Variants in PDE7A observed in about 807,000 individuals in gnomAD.
PDE7A encodes the protein high affinity 3',5'-cyclic-AMP phosphodiesterase 7A.
PDE7A carries 39 observed loss-of-function variants against 64.3 expected under a neutral mutation model. The observed-to-expected ratio is 0.61, with a 90% CI of 0.47 to 0.79. The LOEUF is 0.79. PDE7A is among the 30% of genes least tolerant of loss of function. The probability of loss-of-function intolerance (pLI) is 0.00; values close to 1 mark genes in which losing one functional copy is unlikely to be tolerated. For synonymous variants in PDE7A, 203 were observed against 206.8 expected, an observed-to-expected ratio of 0.98 and a Z score of 0.16; for missense variants, 470 against 582.8, an observed-to-expected ratio of 0.81 and a Z score of 1.99.
chr8:65,740,193 A>G (rs1038760196), intron 5 of PDE7A, among the ~76,000 whole-genome samples: 1 of 152,080 alleles, frequency 6.6e-6, no homozygotes, highest in Non-Finnish European at 1.5e-5. Flanking sequence ...GGGGAATCAC[A>G]AAACTAGGCA....
At chr8:65,800,553 C>T (rs1298319705) in intron 1 of PDE7A, among the ~76,000 whole-genome samples, 1 of 152,180 alleles carries the variant, frequency 6.6e-6, no homozygotes. Flanking sequence ...CATTTAGCTG[C>T]CTGTCCTCCC....
intron 3 of PDE7A, among the ~76,000 whole-genome samples, chr8:65,752,321 C>T (rs1808007400): frequency 6.6e-6 from 1 of 152,172 alleles, no homozygotes; most frequent in African/African-American, 2.4e-5. Flanking sequence ...TGCTTGTGTT[C>T]ATACTCTAGT....
intron 5 of PDE7A, among the ~76,000 whole-genome samples, chr8:65,743,239 A>T (rs1807520274): frequency 6.6e-6 from 1 of 152,152 alleles, no homozygotes; most frequent in Non-Finnish European, 1.5e-5. Flanking sequence ...GGAAAGGGGA[A>T]TTTCCCTGAG....
chr8:65,798,206 A>ATTTTTTT (rs1554568896), intron 1 of PDE7A, among the ~76,000 whole-genome samples: 18 of 73,790 alleles, frequency 2.4e-4, no homozygotes, highest in Admixed American at 3.1e-4. Flanking sequence ...ATATATATAT[A>ATTTTTTT]TTTTTTTTTT....
chr8:65,785,914 T>A (rs1050701984), intron 1 of PDE7A, among the ~76,000 whole-genome samples: 1 of 152,242 alleles, frequency 6.6e-6, no homozygotes, highest in South Asian at 2.1e-4. Flanking sequence ...CTTCACACAT[T>A]AAGGATTGTG....
chr8:65,818,464 T>A (rs757300064), intron 1 of PDE7A, among the ~76,000 whole-genome samples: 1 of 152,242 alleles, frequency 6.6e-6, no homozygotes, highest in Non-Finnish European at 1.5e-5. Context: ...CATTTTGTAT[T>A]TTTAAGCCTG....
At chr8:65,823,993 C>CAG (rs147173445) in intron 1 of PDE7A, among the ~76,000 whole-genome samples, 9,622 of 152,116 alleles carry the variant, frequency 0.063, 382 homozygotes, top group Middle Eastern at 0.11. Context: ...AAGTTGACAA[C>CAG]AAAAACAAGA....
Position 65,719,435 on chromosome 8 carries a change from C to T in PDE7A, c.1304G>A (p.Arg435Lys). 1 of 1,614,098 alleles carries T rather than the reference C, an allele frequency of 6.2e-7. No homozygotes were observed. Among genetic ancestry groups the T allele is most frequent in the East Asian group, 2.2e-5 (1 of 44,888 alleles). Residue 435 changes from arginine (R) to lysine (K), a missense_variant, in exon 13 of 13, where the codon AGG (arginine) becomes AAG (lysine). Arg to Lys is a conservative substitution (Grantham distance 26, BLOSUM62 2). Coordinates refer to ENST00000401827, the MANE Select transcript of PDE7A (RefSeq NM_001242318.3). Reference protein sequence around the residue: ...FTEWARFSNTRLSQTMLGHVG... With the variant: ...FTEWARFSNTKLSQTMLGHVG... ...GTGTCCAAGCATTGTCTGGGATAGC[C>T]TTGTATTGGAAAACCTGGCCCATTC...
chr8:65,823,235 TAA>T (rs1298016200), intron 1 of PDE7A, among the ~76,000 whole-genome samples: 1 of 152,096 alleles, frequency 6.6e-6, no homozygotes, highest in Non-Finnish European at 1.5e-5. Context: ...CCAAAATCCT[TAA>T]AGTCACTTCC....
At chr8:65,788,186 A>G (rs1432086666) in intron 1 of PDE7A, among the ~76,000 whole-genome samples, 1 of 152,184 alleles carries the variant, frequency 6.6e-6, no homozygotes, top group Non-Finnish European at 1.5e-5. Context: ...TGTGTGGTGG[A>G]TGAAAGATAT....
chr8:65,785,834 TG>T (rs1809539798), intron 1 of PDE7A, among the ~76,000 whole-genome samples: 1 of 108,996 alleles, frequency 9.2e-6, no homozygotes, highest in Non-Finnish European at 1.8e-5. Context: ...ATTATTATTA[TG>T]ATTTTTTTTT....
intron 3 of PDE7A, among the ~76,000 whole-genome samples, chr8:65,759,490 G>A (rs909617159): frequency 1.3e-5 from 2 of 152,196 alleles, no homozygotes; most frequent in South Asian, 4.1e-4. Context: ...TGAGGAATGG[G>A]GGATGGCTAC....
At chr8:65,830,469 T>G (rs1049031902) in intron 1 of PDE7A, among the ~76,000 whole-genome samples, 12 of 152,038 alleles carry the variant, frequency 7.9e-5, no homozygotes, top group African/African-American at 2.9e-4. Context: ...TAAGTGAGGT[T>G]TCTCAACACT....
intron 1 of PDE7A, among the ~76,000 whole-genome samples, chr8:65,831,127 G>A (rs960733220): frequency 6.6e-6 from 1 of 152,000 alleles, no homozygotes; most frequent in African/African-American, 2.4e-5. Context: ...AAGGTACACA[G>A]TTTTTTTGTT....
intron 3 of PDE7A, among the ~76,000 whole-genome samples, chr8:65,772,478 C>T (rs1356245069): frequency 1.3e-5 from 2 of 152,082 alleles, no homozygotes; most frequent in African/African-American, 4.8e-5. Context: ...GGGTTTGTGG[C>T]ATAAATCACA....
chr8:65,793,742 A>G (rs1280984310), intron 1 of PDE7A, among the ~76,000 whole-genome samples: 1 of 152,236 alleles, frequency 6.6e-6, no homozygotes, highest in Non-Finnish European at 1.5e-5. Context: ...AAACAAAAAG[A>G]AAGACAGAAT....
At chr8:65,796,525 G>A (rs1809848261) in intron 1 of PDE7A, among the ~76,000 whole-genome samples, 1 of 151,620 alleles carries the variant, frequency 6.6e-6, no homozygotes, top group African/African-American at 2.4e-5. Flanking sequence ...AATTATCCTA[G>A]GAATCTAAAG....
intron 12 of PDE7A, 60 bp downstream of exon 12, chr8:65,723,481 C>A: frequency 2.3e-6 from 3 of 1,321,868 alleles, no homozygotes; most frequent in East Asian, 2.8e-5. Flanking sequence ...AATATATTTC[C>A]CTTCTTGATA....
chr8:65,805,254 T>C (rs1810083981), intron 1 of PDE7A, among the ~76,000 whole-genome samples: 1 of 152,250 alleles, frequency 6.6e-6, no homozygotes, highest in Non-Finnish European at 1.5e-5. Flanking sequence ...ATTTAGAACC[T>C]GGGATACAAA....
Sources: allele counts gnomAD v4.1 joint callset (sites outside exome capture counted in the v4.1 genomes callset), GRCh38; gene constraint gnomAD v4.1.1; transcripts MANE v1.5; gene names NCBI Gene and HGNC (gene_info 2026-07-23, HGNC 2026-07-21).